The following ALG14 variants were observed in gnomAD, a reference collection of about 807,000 sequenced individuals.
The protein encoded by ALG14 is UDP-N-acetylglucosamine transferase subunit ALG14.
ALG14 carries 17 observed loss-of-function variants against 22.8 expected under a neutral mutation model. That is an observed-to-expected ratio of 0.75 (90% CI 0.51 to 1.12). ALG14 has a LOEUF of 1.12. Ranked by LOEUF, ALG14 falls within the 50% of genes most tolerant of loss-of-function variation. The pLI is 0.00. For synonymous variants in ALG14, 89 were observed against 103.7 expected (o/e 0.86, Z 0.86); for missense variants, 288 against 271.8 (o/e 1.06, Z -0.42).
At chr1:95,071,836 C>A (rs1675576935) in intron 1 of ALG14, among the ~76,000 whole-genome samples, 1 of 152,200 alleles carries the variant, frequency 6.6e-6, no homozygotes, top group Admixed American at 6.5e-5. Context: ...ACTTCTTACA[C>A]AATTATTACA....
chr1:95,040,045 A>C (rs1179597703), intron 2 of ALG14, among the ~76,000 whole-genome samples: 1 of 151,956 alleles, frequency 6.6e-6, no homozygotes, highest in African/African-American at 2.4e-5. Flanking sequence ...GGTGGCTCGC[A>C]CCTGTGGTCC....
chr1:95,056,210 G>C (rs143683226), intron 2 of ALG14, among the ~76,000 whole-genome samples: 5 of 152,098 alleles, frequency 3.3e-5, no homozygotes, highest in Non-Finnish European at 5.9e-5. Context: ...AAAACTTCAC[G>C]TATCAGTGGT....
chr1:95,024,988 A>T (rs1673770413), intron 3 of ALG14, among the ~76,000 whole-genome samples: 1 of 152,210 alleles, frequency 6.6e-6, no homozygotes, highest in Non-Finnish European at 1.5e-5. Context: ...GAAGGTTTTC[A>T]ATTGACTTTG....
intron 2 of ALG14, among the ~76,000 whole-genome samples, chr1:95,030,372 T>C (rs901859908): frequency 2.0e-5 from 3 of 152,130 alleles, no homozygotes; most frequent in Non-Finnish European, 2.9e-5. Flanking sequence ...TGTGGACCTA[T>C]ACTACAAACT....
At chr1:95,026,074 A>G (rs1673806125) in intron 3 of ALG14, among the ~76,000 whole-genome samples, 1 of 151,992 alleles carries the variant, frequency 6.6e-6, no homozygotes, top group South Asian at 2.1e-4. Context: ...CTGGGACTAC[A>G]GGCGCCCACC....
intron 1 of ALG14, among the ~76,000 whole-genome samples, chr1:95,069,716 T>A (rs1489200703): frequency 6.6e-6 from 1 of 152,186 alleles, no homozygotes; most frequent in Non-Finnish European, 1.5e-5. Context: ...CAAAAATTTT[T>A]CTCTGGCCTT....
At chr1:95,039,711 G>T (rs565616702) in intron 2 of ALG14, among the ~76,000 whole-genome samples, 1 of 152,302 alleles carries the variant, frequency 6.6e-6, no homozygotes, top group South Asian at 2.1e-4. Flanking sequence ...TACTATAACT[G>T]AAGCAATGGG....
chr1:95,040,065 G>C (rs923503304), intron 2 of ALG14, among the ~76,000 whole-genome samples: 23 of 151,954 alleles, frequency 1.5e-4, no homozygotes, highest in African/African-American at 5.1e-4. Flanking sequence ...CCAACTACTG[G>C]GGAGGTTGAG....
At chr1:95,043,880 G>T (rs1225198366) in intron 2 of ALG14, among the ~76,000 whole-genome samples, 1 of 152,038 alleles carries the variant, frequency 6.6e-6, no homozygotes, top group Non-Finnish European at 1.5e-5. Flanking sequence ...AAGGGAGACA[G>T]GGAAGGAGGG....
intron 3 of ALG14, among the ~76,000 whole-genome samples, chr1:95,019,319 T>G (rs1673589691): frequency 6.6e-6 from 1 of 152,238 alleles, no homozygotes; most frequent in African/African-American, 2.4e-5. Context: ...TTTGAAGGTC[T>G]TATCAGCAGG....
At chr1:95,072,611 TG>T in intron 1 of ALG14, 151 bp downstream of exon 1, 1 of 1,163,316 alleles carries the variant, frequency 8.6e-7, no homozygotes, top group Non-Finnish European at 1.2e-6. Context: ...CTACCCTGGC[TG>T]GACTGCCCGG....
rs1672404553 is a variant in ALG14, at chr1:94,976,768, T to C, written c.*6308A>G. The C allele has an allele frequency of 6.6e-6, 1 of 152,096 alleles. No homozygotes were observed. Among genetic ancestry groups the C allele is most frequent in the South Asian group, 2.1e-4 (1 of 4,820 alleles). 9.4% of individuals were successfully genotyped at this position (152,096 alleles called of 1,614,324 possible). A position where few individuals can be genotyped will look rare whatever the true frequency, so the allele number is the denominator to read the frequency against. ...CCCTGGATAATCTACTATCCGTTAG[T>C]ATGGGTGGGATCTGTGAATATCATG... On this transcript the variant is annotated 3_prime_UTR_variant, in exon 4 of 4. Transcript: ENST00000370205.
Position 94,981,448 on chromosome 1 carries a change from T to G in ALG14, c.*1628A>C, listed in dbSNP as rs929507745. The stretch of plus-strand genomic sequence containing the variant: ...TGATTCAGAGAAGACAGTTTTTTTG[T>G]TTTTTTTGCTTTTTTTTTTTAAAAA... On this transcript the variant is annotated 3_prime_UTR_variant, in exon 4 of 4. Coordinates refer to ENST00000370205, the MANE Select transcript of ALG14 (RefSeq NM_144988.4). 8.1e-6 allele frequency: 1 copy of G among 124,154 alleles called. No homozygotes were observed. Among genetic ancestry groups the G allele is most frequent in the Non-Finnish European group, 1.7e-5 (1 of 57,852 alleles). 7.7% of individuals were successfully genotyped at this position (124,154 alleles called of 1,614,324 possible). A position where few individuals can be genotyped will look rare whatever the true frequency, so the allele number is the denominator to read the frequency against.
chr1:95,000,535 TAAAAAAA>T (rs71588535), intron 3 of ALG14, among the ~76,000 whole-genome samples: 4 of 70,618 alleles, frequency 5.7e-5, no homozygotes, highest in East Asian at 4.6e-4. Context: ...GACCCTGTCC[TAAAAAAA>T]AAAAAAAAAA....
At chr1:95,046,485 T>C (rs1269901888) in intron 2 of ALG14, among the ~76,000 whole-genome samples, 1 of 152,212 alleles carries the variant, frequency 6.6e-6, no homozygotes. Flanking sequence ...CCTGAAACCA[T>C]CCTCCACCAT....
At chr1:95,044,177 T>C (rs554206479) in intron 2 of ALG14, among the ~76,000 whole-genome samples, 1 of 152,278 alleles carries the variant, frequency 6.6e-6, no homozygotes, top group South Asian at 2.1e-4. Flanking sequence ...CCAACTATTT[T>C]CCCTTACTCC....
chr1:94,981,949 C>T lies in ALG14; in HGVS notation c.*1127G>A, dbSNP rs546047110. On this transcript the variant is annotated 3_prime_UTR_variant, in exon 4 of 4. Coordinates refer to ENST00000370205, the MANE Select transcript of ALG14 (RefSeq NM_144988.4). ...CATTAAACCAAGTGGAGGCCCTCTTCAGTGCAGAACTCTGTGTGACTGCAC... is the reference window on the plus strand; with the variant it reads ...CATTAAACCAAGTGGAGGCCCTCTTTAGTGCAGAACTCTGTGTGACTGCAC... 5.9e-5 allele frequency: 9 copies of T among 152,162 alleles called. No homozygotes were observed. Among genetic ancestry groups the T allele is most frequent in the African/African-American group, 2.2e-4 (9 of 41,528 alleles). The allele number at this position is 152,162 out of a possible 1,614,324, so 9.4% of individuals were successfully genotyped here.
rs1672492558 is a variant in ALG14, at chr1:94,981,496, A to G, written c.*1580T>C. 6.7e-6 allele frequency: 1 copy of G among 148,544 alleles called. No homozygotes were observed. 9.2% of individuals were successfully genotyped at this position (148,544 alleles called of 1,614,324 possible). ...AAAAAAAAAAAAGAAAAAAGGCTGG[A>G]TCAGCCTCAGGATTTTAATCTTACA... On this transcript the variant is annotated 3_prime_UTR_variant, in exon 4 of 4. Transcript: ENST00000370205.
intron 2 of ALG14, among the ~76,000 whole-genome samples, chr1:95,034,086 C>T (rs1371275960): frequency 6.6e-6 from 1 of 152,202 alleles, no homozygotes; most frequent in Non-Finnish European, 1.5e-5. Context: ...AGACTCACTC[C>T]TTCCTGAGGG....
Sources: allele counts gnomAD v4.1 joint callset (sites outside exome capture counted in the v4.1 genomes callset), GRCh38; gene constraint gnomAD v4.1.1; transcripts MANE v1.5; gene names NCBI Gene and HGNC (gene_info 2026-07-23, HGNC 2026-07-21).